FCN1: variants seen among roughly 807,000 people sequenced by gnomAD.
The protein encoded by FCN1 is ficolin-1.
In FCN1, 42 loss-of-function variants were observed where a neutral mutation model predicts 35.6. The ratio of observed to expected loss-of-function variants is 1.18; its 90% CI spans 0.92 to 1.53. The LOEUF is 1.53. Ranked by LOEUF, FCN1 falls within the 40% of genes most tolerant of loss-of-function variation. FCN1 has a pLI of 0.00. For missense variants in FCN1, 439 were observed against 428.4 expected (o/e 1.02, Z -0.22); for synonymous variants, 179 against 169.8 (o/e 1.05, Z -0.42).
In FCN1 at chr9:134,905,062, TG is replaced by T. The variant is rs1830924250; in HGVS notation, c.*4735del. Among the ~76,000 whole-genome samples the T allele has an allele frequency of 1.3e-5, 2 of 152,034 alleles. No homozygotes were observed. The highest frequency in any genetic ancestry group is 4.2e-4 in the South Asian group (2 of 4,816). On this transcript the variant is annotated 3_prime_UTR_variant, in exon 9 of 9. Transcript: ENST00000371806. Reference sequence around the variant, plus strand: ...TGTTTCAAAGTCTTCATTGGTAAAGTGGTAGAAGGAATAATTTATAGTATAC... The same window carrying T: ...TGTTTCAAAGTCTTCATTGGTAAAGTGTAGAAGGAATAATTTATAGTATAC...
chr9:134,913,679 G>A (rs1432702273), intron 4 of FCN1, 66 bp from the exon 5 acceptor site: 5 of 1,306,022 alleles, frequency 3.8e-6, no homozygotes, highest in Non-Finnish European at 5.4e-6. Context: ...GTCAGCCCCA[G>A]TGGCTCCCTG....
Position 134,912,736 on chromosome 9 carries a change from G to A in FCN1, c.469-121C>T, listed in dbSNP as rs113150300. 34 of 1,352,496 alleles carry A rather than the reference G, an allele frequency of 2.5e-5. No individual in the cohort carries two copies. In the East Asian group the frequency reaches 6.3e-4, roughly 25 times the overall value. 83.8% of individuals were successfully genotyped at this position (1,352,496 alleles called of 1,614,324 possible). A position where few individuals can be genotyped will look rare whatever the true frequency, so the allele number is the denominator to read the frequency against. The stretch of plus-strand genomic sequence containing the variant: ...AGAGCATCACAGGCCGGTGCCACAC[G>A]CACGCCCATCTGGTCTCCTCACAGA... On this transcript the variant is annotated intron_variant, in intron 6 of 8. Transcript: ENST00000371806.
rs1830935367 is a variant in FCN1, at chr9:134,905,685, CATGTTAGCCAGG to C, written c.*4101_*4112del. Among the ~76,000 whole-genome samples the C allele has an allele frequency of 6.6e-6, 1 of 151,626 alleles. No homozygotes were observed. The highest frequency in any genetic ancestry group is 1.5e-5 in the Non-Finnish European group (1 of 67,950). ...ATTTTTAGTAGAGACGGGGTTTCAT[CATGTTAGCCAGG>C]ATGGTCTTGATCTCCTGACCTTGTG... On this transcript the variant is annotated 3_prime_UTR_variant, in exon 9 of 9. Transcript: ENST00000371806.
At chr9:134,911,822 G>A (rs535758986) in intron 7 of FCN1, among the ~76,000 whole-genome samples, 12 of 152,292 alleles carry the variant, frequency 7.9e-5, no homozygotes, top group African/African-American at 2.2e-4. Context: ...GAGTTCACTG[G>A]GTGGAAGGGA....
chr9:134,914,540 G>A lies in FCN1; in HGVS notation c.272-120C>T, dbSNP rs1343624988. The A allele has an allele frequency of 4.5e-6, 5 of 1,102,822 alleles. No individual in the cohort carries two copies. In the East Asian group the frequency reaches 7.4e-5, roughly 16 times the overall value. 68.3% of individuals were successfully genotyped at this position (1,102,822 alleles called of 1,614,324 possible). On this transcript the variant is annotated intron_variant, in intron 3 of 8. Transcript: ENST00000371806. ...CTCCCCAGCCCTGCAGGCTCACTAA[G>A]GCATCACAACGCCCAGGTCTCAATG...
At chr9:134,912,906 T>G in intron 6 of FCN1, 110 bp downstream of exon 6, 1 of 1,494,638 alleles carries the variant, frequency 6.7e-7, no homozygotes, top group Non-Finnish European at 9.0e-7. Flanking sequence ...TCATCTATGA[T>G]TGTCCCCATC....
At chr9:134,916,836 A>T (rs1831098697) in intron 1 of FCN1, among the ~76,000 whole-genome samples, 1 of 152,238 alleles carries the variant, frequency 6.6e-6, no homozygotes. Flanking sequence ...ATGACAATCA[A>T]TATTTCTAAG....
chr9:134,917,491 C>T (rs1459498666), intron 1 of FCN1, among the ~76,000 whole-genome samples: 1 of 152,180 alleles, frequency 6.6e-6, no homozygotes, highest in Admixed American at 6.5e-5. Context: ...TTTCTTCCTT[C>T]TCAGTGACAG....
intron 1 of FCN1, 93 bp from the exon 2 acceptor site, chr9:134,916,554 A>T (rs1831095092): frequency 1.6e-6 from 2 of 1,263,754 alleles, no homozygotes; most frequent in Non-Finnish European, 2.3e-6. Context: ...GTCTGTCCTC[A>T]CCCCTCAGGC....
At chr9:134,911,001 C>T (rs942310052) in intron 8 of FCN1, 132 bp downstream of exon 8, 69 of 938,544 alleles carry the variant, frequency 7.4e-5, no homozygotes, top group African/African-American at 3.3e-5. Context: ...GACACAAATG[C>T]TAGTGTCTGC....
chr9:134,906,598 C>T lies in FCN1; in HGVS notation c.*3200G>A, dbSNP rs1308117978. ...TAGAAATGCAATGAGCTCAAAGTCT[C>T]TTAAATATGCCAATACCGTGTATAA... On this transcript the variant is annotated 3_prime_UTR_variant, in exon 9 of 9. Coordinates refer to ENST00000371806, the MANE Select transcript of FCN1 (RefSeq NM_002003.5). 1.3e-5 allele frequency: 2 copies of T among 152,140 alleles called. No homozygotes were observed. The highest frequency in any genetic ancestry group is 2.9e-5 in the Non-Finnish European group (2 of 68,016). The allele number at this position is 152,140 out of a possible 1,614,324, so 9.4% of individuals were successfully genotyped here.
chr9:134,914,239 A>G, intron 4 of FCN1, 146 bp downstream of exon 4: 2 of 766,336 alleles, frequency 2.6e-6, no homozygotes, highest in South Asian at 3.0e-5. Flanking sequence ...TCTGACAACA[A>G]AGCCCGCTGG....
intron 7 of FCN1, 34 bp downstream of exon 7, chr9:134,912,452 C>G: frequency 1.3e-6 from 2 of 1,598,048 alleles, no homozygotes; most frequent in Non-Finnish European, 1.7e-6. Flanking sequence ...CACCTCAGGG[C>G]CCCCCAACCC....
In FCN1 at chr9:134,905,676, G is replaced by A. The variant is rs973207690; in HGVS notation, c.*4122C>T. On this transcript the variant is annotated 3_prime_UTR_variant, in exon 9 of 9. Transcript: ENST00000371806. Reference sequence around the variant, plus strand: ...TTTTTTTGTATTTTTAGTAGAGACGGGGTTTCATCATGTTAGCCAGGATGG... The same window carrying A: ...TTTTTTTGTATTTTTAGTAGAGACGAGGTTTCATCATGTTAGCCAGGATGG... 1.3e-5 allele frequency among the ~76,000 whole-genome samples: 2 copies of A among 151,540 alleles called. No homozygotes were observed. The highest frequency in any genetic ancestry group is 1.9e-4 in the East Asian group (1 of 5,166).
chr9:134,905,290 G>A lies in FCN1; in HGVS notation c.*4508C>T, dbSNP rs1394007069. On this transcript the variant is annotated 3_prime_UTR_variant, in exon 9 of 9. Coordinates refer to ENST00000371806, the MANE Select transcript of FCN1 (RefSeq NM_002003.5). ...ACGAATGCCCAAATGTTGCTGGATG[G>A]GCCCACGCCTACACTCCTACTTGAG... 6.6e-6 allele frequency among the ~76,000 whole-genome samples: 1 copy of A among 152,090 alleles called. No homozygotes were observed. Among genetic ancestry groups the A allele is most frequent in the Non-Finnish European group, 1.5e-5 (1 of 68,036 alleles).
rs933341584 is a variant in FCN1, at chr9:134,914,898, C to T, written c.218-89G>A. On this transcript the variant is annotated intron_variant, in intron 2 of 8. Coordinates refer to ENST00000371806, the MANE Select transcript of FCN1 (RefSeq NM_002003.5). ...TTGCCCCAAGTGGTTAAGTCCTGAC[C>T]CTCCCCCACTCTGCCTTGAACCCCT... 9.2e-6 allele frequency: 9 copies of T among 975,806 alleles called. No individual in the cohort carries two copies. In the African/African-American group the frequency reaches 1.4e-4, roughly 16 times the overall value. 60.4% of individuals were successfully genotyped at this position (975,806 alleles called of 1,614,324 possible). A position where few individuals can be genotyped will look rare whatever the true frequency, so the allele number is the denominator to read the frequency against.
chr9:134,917,813 A>G lies in FCN1; in HGVS notation c.59T>C (p.Leu20Pro). ...CTGGGCAGGCAGGTTCTTGATATGC[A>G]GGAACAAGACTAGCAGGACAGCGAG... ...RGLAVLLVLF[L>P]HIKNLPAQAA... The change falls in exon 1 of 9, where the codon CTG becomes CCG. Residue 20 changes from leucine to proline, a missense_variant. Leu to Pro is a moderately conservative substitution (Grantham distance 98, BLOSUM62 -3). Coordinates refer to ENST00000371806, the MANE Select transcript of FCN1 (RefSeq NM_002003.5). 1 of 1,613,996 alleles carries G rather than the reference A, an allele frequency of 6.2e-7. No individual in the cohort carries two copies. Among genetic ancestry groups the G allele is most frequent in the Non-Finnish European group, 8.5e-7 (1 of 1,179,938 alleles).
chr9:134,913,137 C>T lies in FCN1; in HGVS notation c.347G>A (p.Arg116His), dbSNP rs756646348. ...CCGGTCTAGCAGGTCCTTGCAGTTG[C>T]GTGGGCCTGGGAAGGGAACCCGGGG... Reference protein sequence around the residue: ...GQSQSCATGPRNCKDLLDRGY... With the variant: ...GQSQSCATGPHNCKDLLDRGY... The change falls in exon 6 of 9, where the codon CGC (arginine) becomes CAC (histidine). Residue 116 changes from arginine (R) to histidine (H), a missense_variant. Coordinates refer to ENST00000371806, the MANE Select transcript of FCN1 (RefSeq NM_002003.5). 51 of 1,613,642 alleles carry T rather than the reference C, an allele frequency of 3.2e-5. No homozygotes were observed. Among genetic ancestry groups the T allele is most frequent in the East Asian group, 8.9e-5 (4 of 44,870 alleles).
chr9:134,917,693 T>C (rs367660674), intron 1 of FCN1, 76 bp downstream of exon 1: 2 of 910,790 alleles, frequency 2.2e-6, no homozygotes, highest in Non-Finnish European at 3.7e-6. Flanking sequence ...TAAAAGGTTT[T>C]GCCTGGGACA....
Sources: allele counts gnomAD v4.1 joint callset (sites outside exome capture counted in the v4.1 genomes callset), GRCh38; gene constraint gnomAD v4.1.1; transcripts MANE v1.5; gene names NCBI Gene and HGNC (gene_info 2026-07-23, HGNC 2026-07-21).